The following PTPRM variants were observed in gnomAD, a reference collection of about 807,000 sequenced individuals.
PTPRM encodes the protein receptor-type tyrosine-protein phosphatase mu.
A neutral mutation model predicts 186.7 loss-of-function variants in PTPRM; 47 were observed. The ratio of observed to expected loss-of-function variants is 0.25; its 90% CI spans 0.20 to 0.32. The LOEUF (loss-of-function observed/expected upper bound fraction) is 0.32, where lower values mean the gene tolerates loss of function less well. Ranked by LOEUF, PTPRM falls within the 10% of genes least tolerant of loss-of-function variation. The probability of loss-of-function intolerance (pLI) is 1.00; values close to 1 mark genes in which losing one functional copy is unlikely to be tolerated. For synonymous variants in PTPRM, 668 were observed against 674.9 expected (o/e 0.99, Z 0.16); for missense variants, 1,494 against 1,865.0 (o/e 0.80, Z 3.66).
chr18:8,096,148 A>G (rs945162003), intron 11 of PTPRM, among the ~76,000 whole-genome samples: 3 of 152,186 alleles, frequency 2.0e-5, no homozygotes, highest in Admixed American at 1.3e-4. Context: ...TCTGGTTACT[A>G]AAAGCTAGAG....
At chr18:7,759,920 A>T (rs1415122997) in intron 1 of PTPRM, among the ~76,000 whole-genome samples, 2 of 152,174 alleles carry the variant, frequency 1.3e-5, no homozygotes, top group East Asian at 3.9e-4. Flanking sequence ...TTCTTCAGTG[A>T]TCTTTTCAGC....
intron 14 of PTPRM, among the ~76,000 whole-genome samples, chr18:8,231,020 G>C (rs964948191): frequency 2.0e-5 from 3 of 152,188 alleles, no homozygotes; most frequent in Admixed American, 2.0e-4. Flanking sequence ...CGTAATTGTA[G>C]ATGCCAGGAC....
rs578078064 is a variant in PTPRM, at chr18:8,320,731, C to T, written c.2956+1517C>T. 3.9e-4 allele frequency among the ~76,000 whole-genome samples: 59 copies of T among 152,304 alleles called. 2 individuals are homozygous for T. The South Asian group carries it at 0.012, about 31-fold the overall frequency. On this transcript the variant is annotated intron_variant, in intron 22 of 32. Transcript: ENST00000580170. Reference sequence around the variant, plus strand: ...CCTGGGTGACACCACACAGAGTCCACAGTCTCACATCACCACTAGGTTACT... The same window carrying T: ...CCTGGGTGACACCACACAGAGTCCATAGTCTCACATCACCACTAGGTTACT...
chr18:8,339,179 GA>G (rs531659455), intron 22 of PTPRM, among the ~76,000 whole-genome samples: 1,687 of 141,242 alleles, frequency 0.012, 8 homozygotes, highest in African/African-American at 0.016. Flanking sequence ...GTTTTTTATT[GA>G]AAAAAAAAAA....
intron 22 of PTPRM, among the ~76,000 whole-genome samples, chr18:8,325,101 T>C (rs938038382): frequency 2.6e-5 from 4 of 152,312 alleles, no homozygotes. Flanking sequence ...ACAAGTTACT[T>C]AACATCTCTG....
chr18:7,843,607 T>C (rs2046454563), intron 2 of PTPRM, among the ~76,000 whole-genome samples: 1 of 152,240 alleles, frequency 6.6e-6, no homozygotes, highest in African/African-American at 2.4e-5. Flanking sequence ...CCTGCTTGAA[T>C]GGGCTGTTGC....
intron 1 of PTPRM, among the ~76,000 whole-genome samples, chr18:7,594,355 C>T (rs1014862861): frequency 6.6e-5 from 10 of 151,942 alleles, no homozygotes; most frequent in Non-Finnish European, 1.3e-4. Context: ...TGGCAGGTGC[C>T]TGTAATCCTA....
chr18:8,186,912 G>C (rs2093649488), intron 14 of PTPRM, among the ~76,000 whole-genome samples: 1 of 151,368 alleles, frequency 6.6e-6, no homozygotes, highest in African/African-American at 2.4e-5. Context: ...GATTGACTTA[G>C]AGTGGGCAAG....
At chr18:7,729,798 C>A (rs2040620833) in intron 1 of PTPRM, among the ~76,000 whole-genome samples, 1 of 152,058 alleles carries the variant, frequency 6.6e-6, no homozygotes, top group African/African-American at 2.4e-5. Flanking sequence ...AAAAACTAAT[C>A]ATATAGAACC....
At chr18:8,167,035 C>G (rs1175099109) in intron 14 of PTPRM, among the ~76,000 whole-genome samples, 1 of 152,220 alleles carries the variant, frequency 6.6e-6, no homozygotes, top group Non-Finnish European at 1.5e-5. Flanking sequence ...TGTGCAGGCT[C>G]TAAGCTACTC....
intron 7 of PTPRM, among the ~76,000 whole-genome samples, chr18:7,966,029 AAT>A (rs1284113535): frequency 1.3e-5 from 2 of 152,226 alleles, no homozygotes; most frequent in Non-Finnish European, 2.9e-5. Context: ...AAAGATTGAT[AAT>A]ATGTCAAAAT....
intron 12 of PTPRM, 28 bp downstream of exon 12, chr18:8,113,787 A>G: frequency 6.3e-7 from 1 of 1,582,044 alleles, no homozygotes; most frequent in South Asian, 1.1e-5. Flanking sequence ...CTGTTTACTT[A>G]GGCTATTTGG....
intron 14 of PTPRM, among the ~76,000 whole-genome samples, chr18:8,158,685 G>T (rs568101259): frequency 2.0e-5 from 3 of 152,302 alleles, no homozygotes; most frequent in African/African-American, 7.2e-5. Context: ...TTATGGTTCT[G>T]CAGGCTTTAC....
At chr18:8,290,749 C>T (rs9946242) in intron 19 of PTPRM, among the ~76,000 whole-genome samples, 8,440 of 152,090 alleles carry the variant, frequency 0.055, 721 homozygotes, top group African/African-American at 0.19. Context: ...GCTGCCTCTT[C>T]GCAGTATATA....
intron 23 of PTPRM, chr18:8,364,992 A>C (rs1422904078): frequency 6.6e-6 from 1 of 152,214 alleles, no homozygotes; most frequent in African/African-American, 2.4e-5. Flanking sequence ...AGCTTGTGCT[A>C]ATGGAAAAAG....
chr18:7,790,788 C>T (rs1436018602), intron 2 of PTPRM, among the ~76,000 whole-genome samples: 1 of 151,330 alleles, frequency 6.6e-6, no homozygotes, highest in East Asian at 1.9e-4. Flanking sequence ...TTCTTAAGTC[C>T]AGTTCTTTCT....
chr18:8,356,647 G>C (rs1025509325), intron 23 of PTPRM, among the ~76,000 whole-genome samples: 2 of 152,170 alleles, frequency 1.3e-5, no homozygotes, highest in African/African-American at 4.8e-5. Flanking sequence ...AAAGGTGTTC[G>C]CCTGGAATGG....
intron 1 of PTPRM, among the ~76,000 whole-genome samples, chr18:7,602,137 T>G (rs1437059514): frequency 6.6e-6 from 1 of 152,192 alleles, no homozygotes; most frequent in East Asian, 1.9e-4. Context: ...GGCCGTCTCC[T>G]TCAAAGTCTG....
At chr18:7,657,852 T>C (rs1301174651) in intron 1 of PTPRM, among the ~76,000 whole-genome samples, 2 of 152,244 alleles carry the variant, frequency 1.3e-5, no homozygotes, top group African/African-American at 2.4e-5. Context: ...ATCACATTCC[T>C]GGGGGAAGAA....
Sources: allele counts gnomAD v4.1 joint callset (sites outside exome capture counted in the v4.1 genomes callset), GRCh38; gene constraint gnomAD v4.1.1; transcripts MANE v1.5; gene names NCBI Gene and HGNC (gene_info 2026-07-23, HGNC 2026-07-21).